Variants in ILDR2 observed in about 807,000 individuals in gnomAD.
ILDR2 encodes the protein immunoglobulin like domain containing receptor 2, also known as immunoglobulin-like domain-containing receptor 2.
A neutral mutation model predicts 66.8 loss-of-function variants in ILDR2; 25 were observed. The ratio of observed to expected loss-of-function variants is 0.37; its 90% CI spans 0.27 to 0.52. The LOEUF (loss-of-function observed/expected upper bound fraction) is 0.52, where lower values mean the gene tolerates loss of function less well. Ranked by LOEUF, ILDR2 falls within the 20% of genes least tolerant of loss-of-function variation. The pLI, the probability that ILDR2 is intolerant of heterozygous loss-of-function variation, is 0.88. For missense variants in ILDR2, 827 were observed against 876.8 expected (o/e 0.94, Z 0.72); for synonymous variants, 367 against 357.2 (o/e 1.03, Z -0.31).
chr1:166,951,203 T>G (rs1238297671), intron 3 of ILDR2, among the ~76,000 whole-genome samples: 2 of 152,158 alleles, frequency 1.3e-5, no homozygotes, highest in Non-Finnish European at 2.9e-5. Flanking sequence ...TTACTGAAAC[T>G]ATGGGGAAAG....
rs544754319 is a variant in ILDR2 at position 166,954,615 on chromosome 1, C to T, written c.499+2118G>A. 9.8e-5 allele frequency among the ~76,000 whole-genome samples: 15 copies of T among 152,318 alleles called. No individual in the cohort carries two copies. In the South Asian group the frequency reaches 1.2e-3, roughly 13 times the overall value. ...CATAGACAGGCTGCTTCTACTGCAA[C>T]GAGTTTGGATTTGCAGCCTTGGTAA... On this transcript the variant is annotated intron_variant, in intron 3 of 9. Coordinates refer to ENST00000271417, the MANE Select transcript of ILDR2 (RefSeq NM_199351.3).
chr1:166,935,862 G>C (rs918942189), intron 5 of ILDR2, among the ~76,000 whole-genome samples: 1 of 152,200 alleles, frequency 6.6e-6, no homozygotes, highest in Non-Finnish European at 1.5e-5. Flanking sequence ...CTTCAAGGAG[G>C]ATCCTGAACC....
rs1443650736 is a variant in ILDR2, at chr1:166,911,739, C to A, written c.*7616G>T. 6.7e-6 allele frequency: 1 copy of A among 148,998 alleles called. No homozygotes were observed. The highest frequency in any genetic ancestry group is 2.5e-5 in the African/African-American group (1 of 40,698). 9.2% of individuals were successfully genotyped at this position (148,998 alleles called of 1,614,324 possible). On this transcript the variant is annotated 3_prime_UTR_variant, in exon 10 of 10. Coordinates refer to ENST00000271417, the MANE Select transcript of ILDR2 (RefSeq NM_199351.3). The stretch of plus-strand genomic sequence containing the variant: ...GAACTAAACTCCTAGAAATGAAATA[C>A]ATATTAATTAAAATTAAAACTCAAA...
chr1:166,947,671 TCCCCCG>T (rs914688412), intron 3 of ILDR2, among the ~76,000 whole-genome samples: 1 of 151,424 alleles, frequency 6.6e-6, no homozygotes, highest in African/African-American at 2.4e-5. Flanking sequence ...CCCCGTTTCC[TCCCCCG>T]CTCGGGCCGG....
intron 3 of ILDR2, among the ~76,000 whole-genome samples, chr1:166,948,899 A>G (rs954784471): frequency 1.3e-5 from 2 of 152,290 alleles, no homozygotes; most frequent in South Asian, 2.1e-4. Context: ...TGTGCATTTA[A>G]TCTTCACAAT....
intron 4 of ILDR2, among the ~76,000 whole-genome samples, chr1:166,937,315 T>C (rs959354374): frequency 2.0e-5 from 3 of 152,232 alleles, no homozygotes; most frequent in African/African-American, 7.2e-5. Context: ...ACAGCTTTCC[T>C]GTACTCAGCA....
In ILDR2 at chr1:166,935,445, A is replaced by G. The variant is rs960745271; in HGVS notation, c.736T>C (p.Tyr246His). The change falls in exon 6 of 10, where the codon TAC becomes CAC. Residue 246 changes from tyrosine (Y) to histidine (H), a missense_variant. Physicochemically the swap from Tyr to His is moderately conservative, Grantham distance 83. Around this residue, in one of 2 missense-constraint regions of ILDR2, gnomAD observed 437 missense variants for 523.2 expected, o/e 0.84. Transcript: ENST00000271417. ...GGGACACCGGAGACAGAGGGAGGGT[A>G]CCCGGCCTTTGCTGCTTTCCCTGCT... is the stretch of plus-strand genomic sequence containing the variant. Reference protein sequence around the residue: ...YEAGKAAKAGYPPSVSGVPGP... With the variant: ...YEAGKAAKAGHPPSVSGVPGP... 6.2e-7 allele frequency: 1 copy of G among 1,608,076 alleles called. No individual in the cohort carries two copies. Among genetic ancestry groups the G allele is most frequent in the African/African-American group, 1.3e-5 (1 of 74,756 alleles).
chr1:166,961,091 G>C (rs1335177628), intron 1 of ILDR2, among the ~76,000 whole-genome samples: 1 of 152,156 alleles, frequency 6.6e-6, no homozygotes, highest in East Asian at 1.9e-4. Context: ...ACATTTCTTA[G>C]CCTTTCTTTT....
At position 166,910,771 on chromosome 1, in the gene ILDR2, A is replaced by G. The variant is rs1433178038; in HGVS notation, c.*8584T>C. On this transcript the variant is annotated 3_prime_UTR_variant, in exon 10 of 10. Coordinates refer to ENST00000271417, the MANE Select transcript of ILDR2 (RefSeq NM_199351.3). ...GCCAAGATTTTCTAAGAGAACCTGA[A>G]ATTAGCCTACTTCTTATTTCTTGAA... is the stretch of plus-strand genomic sequence containing the variant. 2 of 152,254 alleles carry G rather than the reference A, an allele frequency of 1.3e-5. No individual in the cohort carries two copies. The highest frequency in any genetic ancestry group is 2.4e-5 in the African/African-American group (1 of 41,478). The allele number at this position is 152,254 out of a possible 1,614,324, so 9.4% of individuals were successfully genotyped here. A position where few individuals can be genotyped will look rare whatever the true frequency, so the allele number is the denominator to read the frequency against.
At position 166,919,054 on chromosome 1, in the gene ILDR2, C is replaced by G; in HGVS notation, c.*301G>C. On this transcript the variant is annotated 3_prime_UTR_variant, in exon 10 of 10. Transcript: ENST00000271417. ...TCTCTTTCAGAATTGCAAATGGAGT[C>G]CTGGTTCTGTTAAGGGAGGAGGCTG... 1 of 455,012 alleles carries G rather than the reference C, an allele frequency of 2.2e-6. No individual in the cohort carries two copies. The highest frequency in any genetic ancestry group is 2.0e-5 in the African/African-American group (1 of 50,656). The allele number at this position is 455,012 out of a possible 1,614,324, so 28.2% of individuals were successfully genotyped here. A position where few individuals can be genotyped will look rare whatever the true frequency, so the allele number is the denominator to read the frequency against.
chr1:166,956,915 C>T (rs1557952707), intron 2 of ILDR2, 63 bp from the exon 3 acceptor site: 12 of 1,571,268 alleles, frequency 7.6e-6, no homozygotes, highest in Non-Finnish European at 1.0e-5. Flanking sequence ...AAACACTAAA[C>T]AATGGGGGTT....
chr1:166,923,716 A>G (rs374066927), intron 7 of ILDR2, among the ~76,000 whole-genome samples: 4 of 152,238 alleles, frequency 2.6e-5, no homozygotes, highest in East Asian at 1.9e-4. Flanking sequence ...TTGCAAAAGC[A>G]CTTGTGAACA....
intron 1 of ILDR2, among the ~76,000 whole-genome samples, chr1:166,966,812 G>A (rs1321724320): frequency 6.6e-6 from 1 of 152,154 alleles, no homozygotes; most frequent in African/African-American, 2.4e-5. Flanking sequence ...GTTTCCAAGT[G>A]GGTCAGACTT....
chr1:166,900,814 C>G (rs887822912), intron 2 of ILDR2, among the ~76,000 whole-genome samples: 1 of 152,112 alleles, frequency 6.6e-6, no homozygotes, highest in African/African-American at 2.4e-5. Context: ...AAGTGTAGAG[C>G]TTTTGTTTTG....
At position 166,973,620 on chromosome 1, in the gene ILDR2, C is replaced by A. The variant is rs538366977; in HGVS notation, c.46+1603G>T. On this transcript the variant is annotated intron_variant, in intron 1 of 9. Coordinates refer to ENST00000271417, the MANE Select transcript of ILDR2 (RefSeq NM_199351.3). ...TCTGACTCAGGGACCCCTCCCCCCC[C>A]CCCCCGATGCCTGGCTGACTTCAGT... Among the ~76,000 whole-genome samples, 39 of 102,070 alleles carry A rather than the reference C, an allele frequency of 3.8e-4. 2 individuals carry two copies. The highest frequency in any genetic ancestry group is 1.4e-3 in the African/African-American group (19 of 13,256). The allele number at this position is 102,070 out of a possible 152,430, so 67.0% of individuals were successfully genotyped here. A position where few individuals can be genotyped will look rare whatever the true frequency, so the allele number is the denominator to read the frequency against.
intron 6 of ILDR2, among the ~76,000 whole-genome samples, chr1:166,930,696 C>T (rs12132346): frequency 2.6e-5 from 4 of 152,138 alleles, no homozygotes; most frequent in Admixed American, 6.5e-5. Context: ...CATTATGGAT[C>T]AATCTTATAC....
rs1659435974 is a variant in ILDR2, at chr1:166,909,794, T to TATATATATAG, written c.*9560_*9561insCTATATATAT. 7.8e-6 allele frequency: 1 copy of TATATATATAG among 128,404 alleles called. No individual in the cohort carries two copies. Among genetic ancestry groups the TATATATATAG allele is most frequent in the Non-Finnish European group, 1.7e-5 (1 of 59,764 alleles). The allele number at this position is 128,404 out of a possible 1,614,324, so 8.0% of individuals were successfully genotyped here. A position where few individuals can be genotyped will look rare whatever the true frequency, so the allele number is the denominator to read the frequency against. Reference sequence around the variant, plus strand: ...AAATATATATATTTATATATATATATATATATATATATCCTTCTAGCTTTG... The same window carrying TATATATATAG: ...AAATATATATATTTATATATATATATATATATATAGATATATATATATCCTTCTAGCTTTG... On this transcript the variant is annotated 3_prime_UTR_variant, in exon 10 of 10. Transcript: ENST00000271417.
At chr1:166,953,265 G>A (rs1662089590) in intron 3 of ILDR2, among the ~76,000 whole-genome samples, 1 of 152,084 alleles carries the variant, frequency 6.6e-6, no homozygotes, top group African/African-American at 2.4e-5. Context: ...GATCTAATCC[G>A]ATTCCTCTAT....
chr1:166,903,910 C>T (rs1450149853), downstream of ILDR2, among the ~76,000 whole-genome samples: 2 of 152,190 alleles, frequency 1.3e-5, no homozygotes, highest in Non-Finnish European at 2.9e-5. Context: ...CTTTGAGAGG[C>T]CTTCTCTGAC....
Sources: gnomAD v4.1 joint callset for allele counts (sites outside exome capture counted in the v4.1 genomes callset) on GRCh38, gnomAD v4.1.1 for gene constraint, gnomAD v4.1.1 regional missense constraint, MANE v1.5 for transcripts, NCBI Gene and HGNC (gene_info 2026-07-23, HGNC 2026-07-21) for gene names.